Variants in NAALADL2 observed in about 807,000 individuals in gnomAD.
NAALADL2 encodes N-acetylated alpha-linked acidic dipeptidase like 2.
A neutral mutation model predicts 87.2 loss-of-function variants in NAALADL2; 76 were observed. That is an observed-to-expected ratio of 0.87 (90% CI 0.72 to 1.05). NAALADL2 has a LOEUF of 1.05. NAALADL2 is among the 50% of genes least tolerant of loss of function. The pLI is 0.00. For synonymous variants in NAALADL2, 354 were observed against 331.0 expected (o/e 1.07, Z -0.75); for missense variants, 1,089 against 945.8 (o/e 1.15, Z -1.99).
intron 11 of NAALADL2, among the ~76,000 whole-genome samples, chr3:175,721,255 A>G (rs1742194710): frequency 6.6e-6 from 1 of 152,086 alleles, no homozygotes; most frequent in South Asian, 2.1e-4. Context: ...TTCAATCTCT[A>G]CAGAAATAAA....
At chr3:174,991,088 TA>T (rs922306720) in intron 1 of NAALADL2, among the ~76,000 whole-genome samples, 5 of 151,996 alleles carry the variant, frequency 3.3e-5, no homozygotes, top group African/African-American at 7.2e-5. Flanking sequence ...GAAACTAATT[TA>T]AAAAAAACCT....
At position 174,887,379 on chromosome 3, in the gene NAALADL2, TATTA is replaced by T. The variant is rs573063833; in HGVS notation, c.43+27932_43+27935del. Among the ~76,000 whole-genome samples the T allele has an allele frequency of 5.4e-3, 811 of 150,834 alleles. 1 individual carries two copies. The highest frequency in any genetic ancestry group is 8.4e-3 in the Non-Finnish European group (567 of 67,178). On this transcript the variant is annotated intron_variant, in intron 1 of 13. Coordinates refer to ENST00000454872, the MANE Select transcript of NAALADL2 (RefSeq NM_207015.3). ...TGTTTATTAATCTCTTTATTAATGGTATTAATCAATTATATATGTTCTGTTTATT... is the reference window on the plus strand; with the variant it reads ...TGTTTATTAATCTCTTTATTAATGGTATCAATTATATATGTTCTGTTTATT...
At chr3:175,249,178 T>C (rs1022367645) in intron 3 of NAALADL2, among the ~76,000 whole-genome samples, 27 of 152,166 alleles carry the variant, frequency 1.8e-4, no homozygotes, top group Admixed American at 2.6e-4. Flanking sequence ...TTTATTTTCT[T>C]TATTAATAAG....
chr3:175,312,952 G>A (rs552483607), intron 4 of NAALADL2, among the ~76,000 whole-genome samples: 2 of 152,020 alleles, frequency 1.3e-5, no homozygotes, highest in African/African-American at 4.8e-5. Context: ...AGTTTGCTAG[G>A]GCTGCCATAG....
intron 2 of NAALADL2, among the ~76,000 whole-genome samples, chr3:175,229,353 A>G (rs577825560): frequency 1.6e-4 from 24 of 152,050 alleles, no homozygotes; most frequent in Non-Finnish European, 2.6e-4. Context: ...GGTTTTCTTT[A>G]TAGGACAACT....
At chr3:174,596,788 T>C (rs1031875817) in intron 2 of NAALADL2, among the ~76,000 whole-genome samples, 1 of 152,234 alleles carries the variant, frequency 6.6e-6, no homozygotes, top group Non-Finnish European at 1.5e-5. Flanking sequence ...TGTGACGTCA[T>C]GGCCAATTTA....
intron 1 of NAALADL2, among the ~76,000 whole-genome samples, chr3:175,057,032 C>G (rs1418880446): frequency 6.6e-6 from 1 of 152,160 alleles, no homozygotes; most frequent in Admixed American, 6.6e-5. Flanking sequence ...ATTTTCATTT[C>G]TAATTGTAGA....
At chr3:175,084,862 T>C (rs188509774) in intron 1 of NAALADL2, among the ~76,000 whole-genome samples, 10 of 152,212 alleles carry the variant, frequency 6.6e-5, no homozygotes, top group African/African-American at 2.2e-4. Flanking sequence ...GGTAGCCATG[T>C]GGTTGGATGC....
intron 11 of NAALADL2, among the ~76,000 whole-genome samples, chr3:175,733,600 T>C (rs1218146500): frequency 6.6e-6 from 1 of 152,176 alleles, no homozygotes; most frequent in Non-Finnish European, 1.5e-5. Context: ...TATCTTTACA[T>C]TTCAAAACCA....
intron 13 of NAALADL2, among the ~76,000 whole-genome samples, chr3:175,797,236 C>G (rs1295345048): frequency 6.6e-6 from 1 of 151,898 alleles, no homozygotes; most frequent in Non-Finnish European, 1.5e-5. Flanking sequence ...TTATAAGATC[C>G]AAATTGTTAC....
chr3:174,861,621 G>C (rs1579246535), intron 1 of NAALADL2, among the ~76,000 whole-genome samples: 1 of 152,014 alleles, frequency 6.6e-6, no homozygotes, highest in African/African-American at 2.4e-5. Context: ...TTTTGACTAT[G>C]AGGATAATAT....
intron 9 of NAALADL2, among the ~76,000 whole-genome samples, chr3:175,509,741 G>A (rs1560677510): frequency 6.6e-6 from 1 of 152,182 alleles, no homozygotes; most frequent in African/African-American, 2.4e-5. Flanking sequence ...AATTTATAAG[G>A]GGAAGAGGTT....
At chr3:175,126,140 C>T (rs1726908819) in intron 2 of NAALADL2, among the ~76,000 whole-genome samples, 1 of 151,836 alleles carries the variant, frequency 6.6e-6, no homozygotes, top group South Asian at 2.1e-4. Flanking sequence ...TTGGTGATTG[C>T]AACAAGAATA....
chr3:174,873,571 T>C (rs1353759449), intron 1 of NAALADL2, among the ~76,000 whole-genome samples: 2 of 151,980 alleles, frequency 1.3e-5, no homozygotes, highest in Non-Finnish European at 2.9e-5. Flanking sequence ...TTATAAAAAA[T>C]ACAAGCATAT....
chr3:174,791,503 G>T (rs1045581669), intron 3 of NAALADL2, among the ~76,000 whole-genome samples: 1 of 152,144 alleles, frequency 6.6e-6, no homozygotes, highest in African/African-American at 2.4e-5. Context: ...TGCTTTTCTA[G>T]CCTCTGGAAC....
intron 1 of NAALADL2, among the ~76,000 whole-genome samples, chr3:174,473,418 A>G (rs1174166075): frequency 6.6e-6 from 1 of 152,190 alleles, no homozygotes; most frequent in Non-Finnish European, 1.5e-5. Flanking sequence ...TCCTCTGGCT[A>G]ATAATAGGAA....
At chr3:175,643,705 A>C (rs1401015310) in intron 11 of NAALADL2, among the ~76,000 whole-genome samples, 1 of 152,176 alleles carries the variant, frequency 6.6e-6, no homozygotes, top group African/African-American at 2.4e-5. Context: ...TTTGATAAAG[A>C]AGCTCCTTGT....
Position 175,016,971 on chromosome 3 carries a change from T to C in NAALADL2, c.44-79819T>C, listed in dbSNP as rs556363660. On this transcript the variant is annotated intron_variant, in intron 1 of 13. Coordinates refer to ENST00000454872, the MANE Select transcript of NAALADL2 (RefSeq NM_207015.3). Reference sequence around the variant, plus strand: ...TTGAAATGTACAATAGATTATTTTTTACTATAGTCACACTAATGCTTTATC... The same window carrying C: ...TTGAAATGTACAATAGATTATTTTTCACTATAGTCACACTAATGCTTTATC... Among the ~76,000 whole-genome samples, 45 of 152,172 alleles carry C rather than the reference T, an allele frequency of 3.0e-4. 1 individual carries two copies. In the South Asian group the frequency reaches 9.3e-3, roughly 32 times the overall value.
chr3:175,293,130 A>T (rs1207629627), intron 4 of NAALADL2, among the ~76,000 whole-genome samples: 1 of 150,690 alleles, frequency 6.6e-6, no homozygotes, highest in African/African-American at 2.4e-5. Context: ...CTAGTAGGGG[A>T]AGATATAGCC....
Sources: gnomAD v4.1 joint callset for allele counts (sites outside exome capture counted in the v4.1 genomes callset) on GRCh38, gnomAD v4.1.1 for gene constraint, MANE v1.5 for transcripts, NCBI Gene and HGNC (gene_info 2026-07-23, HGNC 2026-07-21) for gene names.